Variants in CIB4 observed in about 807,000 individuals in gnomAD.
The protein encoded by CIB4 is calcium and integrin binding family member 4.
In CIB4, 25 loss-of-function variants were observed where a neutral mutation model predicts 25.8. That is an observed-to-expected ratio of 0.97 (90% confidence interval 0.71 to 1.35). The LOEUF (loss-of-function observed/expected upper bound fraction) is 1.35. Among genes scored for constraint, CIB4 ranks in the 40% most tolerant of loss-of-function variants. CIB4 has a pLI of 0.00. For synonymous variants in CIB4, 75 were observed against 81.4 expected, an observed-to-expected ratio of 0.92 and a Z score of 0.42; for missense variants, 235 against 228.2, an observed-to-expected ratio of 1.03 and a Z score of -0.19.
In CIB4 at chr2:26,582,038, G is replaced by A. The variant is rs185771845; in HGVS notation, c.528-645C>T. Among the ~76,000 whole-genome samples the A allele has an allele frequency of 2.6e-3, 394 of 152,346 alleles. 3 individuals are homozygous for A. The highest frequency in any genetic ancestry group is 2.3e-3 in the Non-Finnish European group (156 of 68,030). On this transcript the variant is annotated intron_variant, in intron 6 of 6. Transcript: ENST00000288861. ...GCACAGCACAGAGTGAGCGTGGAGGGGCGATGGGAGGCAGAGACGTTGGCA... is the reference window on the plus strand; with the variant it reads ...GCACAGCACAGAGTGAGCGTGGAGGAGCGATGGGAGGCAGAGACGTTGGCA...
At chr2:26,593,399 T>TAC (rs201318472) in intron 4 of CIB4, among the ~76,000 whole-genome samples, 1 of 146,372 alleles carries the variant, frequency 6.8e-6, no homozygotes, top group Admixed American at 6.7e-5. Context: ...CACACATATA[T>TAC]ACACACACAT....
At chr2:26,629,339 C>A in intron 3 of CIB4, 71 bp downstream of exon 3, 2 of 952,186 alleles carry the variant, frequency 2.1e-6, no homozygotes, top group Non-Finnish European at 3.3e-6. Flanking sequence ...CCCCACCCCT[C>A]CCAGCACCCA....
intron 3 of CIB4, among the ~76,000 whole-genome samples, chr2:26,600,003 G>A (rs1347533139): frequency 7.0e-6 from 1 of 143,334 alleles, no homozygotes; most frequent in East Asian, 1.9e-4. Flanking sequence ...AACCCAGGAG[G>A]CAGAGGTTGC....
intron 3 of CIB4, among the ~76,000 whole-genome samples, chr2:26,610,655 G>A (rs756892246): frequency 2.6e-5 from 4 of 152,120 alleles, no homozygotes; most frequent in Non-Finnish European, 5.9e-5. Context: ...ACCTTCCCTC[G>A]GGTCCAAGAA....
intron 4 of CIB4, among the ~76,000 whole-genome samples, chr2:26,585,514 G>A (rs536228528): frequency 9.9e-5 from 15 of 152,164 alleles, no homozygotes; most frequent in Admixed American, 2.6e-4. Context: ...TGGATGGGCC[G>A]GGTGGTAAAC....
chr2:26,586,404 C>A (rs535324784), intron 4 of CIB4, among the ~76,000 whole-genome samples: 9 of 152,220 alleles, frequency 5.9e-5, no homozygotes, highest in Non-Finnish European at 1.0e-4. Flanking sequence ...CATCACCCAG[C>A]CCCTGTGAAA....
At chr2:26,634,591 C>G (rs998695763) in intron 2 of CIB4, among the ~76,000 whole-genome samples, 1 of 152,210 alleles carries the variant, frequency 6.6e-6, no homozygotes, top group African/African-American at 2.4e-5. Flanking sequence ...AGGATGGAAA[C>G]TGATGCTCAG....
chr2:26,612,099 T>A (rs905104993), intron 3 of CIB4, among the ~76,000 whole-genome samples: 2 of 137,112 alleles, frequency 1.5e-5, no homozygotes, highest in African/African-American at 5.7e-5. Context: ...CAAAACAACT[T>A]TCCTTCCCAG....
intron 3 of CIB4, among the ~76,000 whole-genome samples, chr2:26,617,442 C>T (rs972196513): frequency 6.6e-6 from 1 of 152,178 alleles, no homozygotes; most frequent in African/African-American, 2.4e-5. Context: ...CTTTCAGCTT[C>T]TCAGAGCCTC....
At chr2:26,641,168 C>T (rs987685082) in intron 1 of CIB4, 93 bp downstream of exon 1, 7 of 1,113,258 alleles carry the variant, frequency 6.3e-6, no homozygotes, top group African/African-American at 3.1e-5. Context: ...TTGGACACCC[C>T]TGCTAGAGCG....
intron 3 of CIB4, among the ~76,000 whole-genome samples, chr2:26,602,319 AG>A: frequency 6.6e-6 from 1 of 152,178 alleles, no homozygotes. Context: ...ATAAACTTCT[AG>A]GGAGTATTCT....
rs7595672 is a variant in CIB4 at position 26,627,804 on chromosome 2, T to C, written c.186+1606A>G. Among the ~76,000 whole-genome samples, 2 of 142,968 alleles carry C rather than the reference T, an allele frequency of 1.4e-5. No homozygotes were observed. Among genetic ancestry groups the C allele is most frequent in the Non-Finnish European group, 1.5e-5 (1 of 65,134 alleles). 93.8% of individuals were successfully genotyped at this position (142,968 alleles called of 152,430 possible). ...TTTCTCATTATTTTGTCTTCTCCAC[T>C]CCTGCCTCTATTTCAAGACCCAGCT... On this transcript the variant is annotated intron_variant, in intron 3 of 6. Transcript: ENST00000288861. The surrounding 1 kb of genome is among the most constrained non-coding windows in gnomAD (Gnocchi z 4.0).
At chr2:26,589,159 CCCTTCTCCTTCT>C (rs148026615) in intron 4 of CIB4, among the ~76,000 whole-genome samples, 4,509 of 117,822 alleles carry the variant, frequency 0.038, 456 homozygotes, top group Middle Eastern at 0.11. Context: ...CTTCCCCTTC[CCCTTCTCCTTCT>C]CCTTCTTCCT....
chr2:26,638,400 C>T (rs1451334891), intron 2 of CIB4, among the ~76,000 whole-genome samples: 1 of 152,086 alleles, frequency 6.6e-6, no homozygotes, highest in Non-Finnish European at 1.5e-5. Flanking sequence ...ACTCTTTCTC[C>T]GAAGGCCAAG....
intron 2 of CIB4, among the ~76,000 whole-genome samples, chr2:26,634,873 A>C (rs1669501616): frequency 6.6e-6 from 1 of 152,186 alleles, no homozygotes; most frequent in Non-Finnish European, 1.5e-5. Context: ...CACCCAAGAG[A>C]GTGTCAGGAA....
chr2:26,636,636 G>T (rs1365964500), intron 2 of CIB4, among the ~76,000 whole-genome samples: 1 of 152,022 alleles, frequency 6.6e-6, no homozygotes, highest in Admixed American at 6.6e-5. Flanking sequence ...TGGTTTACTC[G>T]CTAGTTTTAA....
At chr2:26,608,617 C>T (rs975468128) in intron 3 of CIB4, among the ~76,000 whole-genome samples, 1 of 152,184 alleles carries the variant, frequency 6.6e-6, no homozygotes, top group Non-Finnish European at 1.5e-5. Context: ...CAGGCTGCCC[C>T]ATCCTTGCCT....
intron 4 of CIB4, among the ~76,000 whole-genome samples, chr2:26,585,316 C>T (rs1329976662): frequency 6.6e-6 from 1 of 151,664 alleles, no homozygotes; most frequent in Non-Finnish European, 1.5e-5. Context: ...CCCTGGGGTG[C>T]TTGGCAGGAG....
chr2:26,632,735 G>T (rs1225208266), intron 2 of CIB4, among the ~76,000 whole-genome samples: 1 of 150,462 alleles, frequency 6.6e-6, no homozygotes, highest in African/African-American at 2.5e-5. Flanking sequence ...GCCAGCTTGG[G>T]CGACAGAGTG....
Sources: gnomAD v4.1 joint callset for allele counts (sites outside exome capture counted in the v4.1 genomes callset) on GRCh38, gnomAD v4.1.1 for gene constraint, Gnocchi (gnomAD v3.1) non-coding constraint, MANE v1.5 for transcripts, NCBI Gene and HGNC (gene_info 2026-07-23, HGNC 2026-07-21) for gene names.